Variants in SDK1 observed in about 807,000 individuals in gnomAD.
SDK1 encodes the protein protein sidekick-1.
A neutral mutation model predicts 245.5 loss-of-function variants in SDK1; 157 were observed. That is an observed-to-expected ratio of 0.64 (90% CI 0.56 to 0.73). SDK1 has a LOEUF of 0.73. Among genes scored for constraint, SDK1 ranks in the 30% least tolerant of loss-of-function variants. SDK1 has a pLI of 0.00. For synonymous variants in SDK1, 1,647 were observed against 1,278.5 expected (o/e 1.29, Z -6.15); for missense variants, 3,583 against 3,002.3 (o/e 1.19, Z -4.52).
At chr7:3,975,338 G>C (rs1455388045) in intron 13 of SDK1, among the ~76,000 whole-genome samples, 1 of 152,152 alleles carries the variant, frequency 6.6e-6, no homozygotes, top group Non-Finnish European at 1.5e-5. Context: ...GCCAGCTCCA[G>C]GGACACACCC....
intron 1 of SDK1, among the ~76,000 whole-genome samples, chr7:3,391,152 A>C (rs1019297126): frequency 3.5e-4 from 54 of 152,304 alleles, no homozygotes; most frequent in African/African-American, 1.1e-3. Flanking sequence ...AGGGGACAAA[A>C]ATGGACTAGA....
chr7:3,474,207 G>C (rs1430238452), intron 1 of SDK1, among the ~76,000 whole-genome samples: 1 of 137,238 alleles, frequency 7.3e-6, no homozygotes, highest in Non-Finnish European at 1.5e-5. Context: ...GGTTCAAACA[G>C]TTCTCCTGCC....
chr7:4,015,189 C>T (rs1562671668), intron 16 of SDK1, among the ~76,000 whole-genome samples: 1 of 152,156 alleles, frequency 6.6e-6, no homozygotes, highest in Non-Finnish European at 1.5e-5. Context: ...GAGGTGGAAA[C>T]CAAGGCTCAG....
intron 38 of SDK1, among the ~76,000 whole-genome samples, chr7:4,212,224 GTTGAT>G (rs1410454262): frequency 1.3e-5 from 2 of 152,210 alleles, no homozygotes; most frequent in Non-Finnish European, 2.9e-5. Context: ...ATGAAACGGA[GTTGAT>G]TTGATGAAGA....
chr7:4,100,113 G>T (rs577907299), intron 22 of SDK1, among the ~76,000 whole-genome samples: 1 of 152,200 alleles, frequency 6.6e-6, no homozygotes, highest in Non-Finnish European at 1.5e-5. Flanking sequence ...CCTCACCAGC[G>T]TTTCAGGAAT....
intron 1 of SDK1, among the ~76,000 whole-genome samples, chr7:3,347,852 C>T (rs986361459): frequency 1.3e-5 from 2 of 151,352 alleles, no homozygotes; most frequent in East Asian, 1.9e-4. Flanking sequence ...TGCACTAGAG[C>T]GTGGCTTAGT....
chr7:3,336,923 C>T (rs1483968544), intron 1 of SDK1, among the ~76,000 whole-genome samples: 1 of 152,194 alleles, frequency 6.6e-6, no homozygotes, highest in African/African-American at 2.4e-5. Context: ...CCACTCATCC[C>T]TGGTATTAAT....
At chr7:4,180,399 C>T (rs572158957) in intron 35 of SDK1, among the ~76,000 whole-genome samples, 9 of 148,178 alleles carry the variant, frequency 6.1e-5, no homozygotes, top group South Asian at 2.2e-4. Flanking sequence ...CTATGCCCAG[C>T]GCCTGGCTCC....
intron 1 of SDK1, among the ~76,000 whole-genome samples, chr7:3,536,377 A>G (rs1778888534): frequency 6.6e-6 from 1 of 152,002 alleles, no homozygotes; most frequent in South Asian, 2.1e-4. Context: ...CTAGCAGAAT[A>G]ATTTTTTAAA....
rs140374971 is a variant in SDK1 at position 4,002,606 on chromosome 7, C to T, written c.2132-8360C>T. On this transcript the variant is annotated intron_variant, in intron 14 of 44. Transcript: ENST00000404826. Reference sequence around the variant, plus strand: ...GTTCCTTCCCATACTCTTTATTTTCCAAAAATTTTAAGTGAACTTCTATCA... The same window carrying T: ...GTTCCTTCCCATACTCTTTATTTTCTAAAAATTTTAAGTGAACTTCTATCA... Among the ~76,000 whole-genome samples the T allele has an allele frequency of 3.6e-3, 549 of 152,196 alleles. 1 individual carries two copies. The highest frequency in any genetic ancestry group is 4.8e-3 in the Non-Finnish European group (326 of 67,996).
intron 22 of SDK1, among the ~76,000 whole-genome samples, chr7:4,093,793 A>C (rs1353660629): frequency 6.6e-6 from 1 of 152,112 alleles, no homozygotes; most frequent in African/African-American, 2.4e-5. Context: ...GGGCTGATGG[A>C]TGGGAGGCCA....
At chr7:3,711,087 G>C (rs1357144097) in intron 4 of SDK1, among the ~76,000 whole-genome samples, 3 of 152,108 alleles carry the variant, frequency 2.0e-5, no homozygotes, top group African/African-American at 7.2e-5. Context: ...TTTTCAGAAA[G>C]GAAAATAGTT....
chr7:3,875,284 C>T (rs1338276616), intron 5 of SDK1, among the ~76,000 whole-genome samples: 1 of 152,166 alleles, frequency 6.6e-6, no homozygotes, highest in Non-Finnish European at 1.5e-5. Context: ...AGCATTTTTC[C>T]TGTGGTAAGA....
At chr7:3,366,462 T>A (rs1395467731) in intron 1 of SDK1, among the ~76,000 whole-genome samples, 44 of 152,154 alleles carry the variant, frequency 2.9e-4, no homozygotes, top group Admixed American at 2.9e-3. Flanking sequence ...TTTTGCCATG[T>A]GTACTTTTAT....
At position 4,077,535 on chromosome 7, in the gene SDK1, T is replaced by C. The variant is rs7783109; in HGVS notation, c.3202+346T>C. ...CGATGATTGTATTAGTCCATTTTCA[T>C]GCTGCTGATAAAGACATACCCGAGA... On this transcript the variant is annotated intron_variant, in intron 21 of 44. Transcript: ENST00000404826. Among the ~76,000 whole-genome samples the C allele has an allele frequency of 6.4e-3, 968 of 152,288 alleles. 11 individuals carry two copies. Among genetic ancestry groups the C allele is most frequent in the African/African-American group, 0.022 (934 of 41,564 alleles).
intron 16 of SDK1, among the ~76,000 whole-genome samples, chr7:4,013,653 A>C (rs1786159285): frequency 6.6e-6 from 1 of 152,186 alleles, no homozygotes; most frequent in Non-Finnish European, 1.5e-5. Context: ...ATGTGCCTGG[A>C]CTATTTGCCT....
At chr7:3,766,445 C>A (rs912653230) in intron 4 of SDK1, among the ~76,000 whole-genome samples, 5 of 152,190 alleles carry the variant, frequency 3.3e-5, no homozygotes, top group Admixed American at 6.5e-5. Context: ...CTCCCCTACA[C>A]CAGTCACTTC....
chr7:3,329,629 G>A (rs1470208319), intron 1 of SDK1, among the ~76,000 whole-genome samples: 1 of 152,118 alleles, frequency 6.6e-6, no homozygotes, highest in Non-Finnish European at 1.5e-5. Context: ...CATCCGGGAT[G>A]TCATTTTTGA....
intron 5 of SDK1, among the ~76,000 whole-genome samples, chr7:3,860,399 T>C (rs1473241226): frequency 1.3e-5 from 2 of 152,160 alleles, no homozygotes; most frequent in Non-Finnish European, 2.9e-5. Context: ...ATATTGCCAG[T>C]AAATGCATGA....
Sources: allele counts gnomAD v4.1 joint callset (sites outside exome capture counted in the v4.1 genomes callset), GRCh38; gene constraint gnomAD v4.1.1; transcripts MANE v1.5; gene names NCBI Gene and HGNC (gene_info 2026-07-23, HGNC 2026-07-21).